PBX3: variants seen among roughly 807,000 people sequenced by gnomAD.
PBX3 encodes the protein pre-B-cell leukemia transcription factor 3.
Under a neutral mutation model 48.5 loss-of-function variants are expected in PBX3, and 14 were observed. That is an observed-to-expected ratio of 0.29 (90% confidence interval 0.19 to 0.45). The LOEUF (loss-of-function observed/expected upper bound fraction) is 0.45, where lower values mean the gene tolerates loss of function less well. Ranked by LOEUF, PBX3 falls within the 20% of genes least tolerant of loss-of-function variation. The pLI is 1.00. For missense variants in PBX3, 386 were observed against 546.7 expected (o/e 0.71, Z 2.93); for synonymous variants, 210 against 200.3 (o/e 1.05, Z -0.41).
chr9:125,861,301 AAT>A (rs200398183), intron 2 of PBX3, among the ~76,000 whole-genome samples: 6,118 of 142,152 alleles, frequency 0.043, 298 homozygotes, highest in East Asian at 0.17. Context: ...CCTGTCTCCA[AAT>A]AATAATAATA....
chr9:125,799,342 G>A (rs946406355), intron 2 of PBX3, among the ~76,000 whole-genome samples: 2 of 152,190 alleles, frequency 1.3e-5, no homozygotes, highest in Non-Finnish European at 2.9e-5. Context: ...GCGAAACTCC[G>A]TCTCTACAAA....
chr9:125,950,701 C>CA (rs1010890922), intron 5 of PBX3, among the ~76,000 whole-genome samples: 1 of 152,098 alleles, frequency 6.6e-6, no homozygotes, highest in African/African-American at 2.4e-5. Context: ...AGGCTGGTCT[C>CA]AAACTCCTGA....
chr9:125,852,840 G>T (rs928522901), intron 2 of PBX3, among the ~76,000 whole-genome samples: 2 of 152,078 alleles, frequency 1.3e-5, no homozygotes, highest in East Asian at 1.9e-4. Flanking sequence ...TGCATGATTG[G>T]ATTGCACTGC....
At chr9:125,918,999 CAGAG>C (rs1440163595) in intron 3 of PBX3, among the ~76,000 whole-genome samples, 2 of 152,090 alleles carry the variant, frequency 1.3e-5, no homozygotes, top group East Asian at 3.9e-4. Context: ...AAATGAGACT[CAGAG>C]AGGGTAAGTG....
At chr9:125,881,576 T>A (rs1344953545) in intron 2 of PBX3, among the ~76,000 whole-genome samples, 1 of 152,056 alleles carries the variant, frequency 6.6e-6, no homozygotes, top group East Asian at 1.9e-4. Context: ...CCTGTTGATT[T>A]AGTTTCCAAA....
At chr9:125,855,066 C>CT (rs1176702761) in intron 2 of PBX3, among the ~76,000 whole-genome samples, 1 of 152,154 alleles carries the variant, frequency 6.6e-6, no homozygotes. Context: ...ATCTTTCTGG[C>CT]TTATCTGCAT....
At chr9:125,915,607 G>A (rs924949700) in intron 2 of PBX3, 79 bp from the exon 3 acceptor site, 10 of 1,107,604 alleles carry the variant, frequency 9.0e-6, no homozygotes, top group South Asian at 6.5e-5. Flanking sequence ...TCATTTTCTC[G>A]AATAAACAAA....
intron 5 of PBX3, among the ~76,000 whole-genome samples, chr9:125,939,248 C>G (rs1350778269): frequency 6.6e-6 from 1 of 151,870 alleles, no homozygotes; most frequent in African/African-American, 2.4e-5. Context: ...ATATAAGGAA[C>G]TCCTATAAAT....
At chr9:125,849,566 CCCT>C (rs892053862) in intron 2 of PBX3, among the ~76,000 whole-genome samples, 1 of 151,870 alleles carries the variant, frequency 6.6e-6, no homozygotes, top group African/African-American at 2.4e-5. Context: ...GTTCATTCTT[CCCT>C]CCTCATTTTA....
At chr9:125,810,535 T>C (rs1463174599) in intron 2 of PBX3, among the ~76,000 whole-genome samples, 1 of 152,174 alleles carries the variant, frequency 6.6e-6, no homozygotes, top group Non-Finnish European at 1.5e-5. Context: ...TGTCTTCTTG[T>C]GTTGAGTGGA....
intron 2 of PBX3, among the ~76,000 whole-genome samples, chr9:125,751,859 C>T (rs1836384226): frequency 6.6e-6 from 1 of 152,102 alleles, no homozygotes; most frequent in African/African-American, 2.4e-5. Flanking sequence ...TCTTTTTGGT[C>T]ATCTTAATCT....
intron 5 of PBX3, among the ~76,000 whole-genome samples, chr9:125,944,465 C>G (rs985014751): frequency 1.3e-5 from 2 of 152,134 alleles, no homozygotes; most frequent in Non-Finnish European, 2.9e-5. Flanking sequence ...TTCTTCTCCC[C>G]AAGAAATACT....
intron 4 of PBX3, among the ~76,000 whole-genome samples, chr9:125,932,802 A>G (rs1487904701): frequency 1.3e-5 from 2 of 152,214 alleles, no homozygotes; most frequent in African/African-American, 2.4e-5. Context: ...CACCTAAATG[A>G]TTTATTTTTC....
At chr9:125,924,314 T>G (rs183592670) in intron 3 of PBX3, among the ~76,000 whole-genome samples, 4 of 152,262 alleles carry the variant, frequency 2.6e-5, no homozygotes, top group East Asian at 3.8e-4. Flanking sequence ...AGAAGTCAGC[T>G]TGAGTCTCAT....
chr9:125,838,417 A>G (rs1057002910), intron 2 of PBX3, among the ~76,000 whole-genome samples: 3 of 152,230 alleles, frequency 2.0e-5, no homozygotes, highest in South Asian at 4.1e-4. Flanking sequence ...TATAATTTGT[A>G]TGAGTGATTG....
chr9:125,810,507 A>G (rs1480203168), intron 2 of PBX3, among the ~76,000 whole-genome samples: 1 of 151,926 alleles, frequency 6.6e-6, no homozygotes, highest in African/African-American at 2.4e-5. Flanking sequence ...CTGACTCTCC[A>G]TGATTTCCAC....
chr9:125,900,595 TCA>T (rs1232126183), intron 2 of PBX3, among the ~76,000 whole-genome samples: 1 of 151,704 alleles, frequency 6.6e-6, no homozygotes, highest in East Asian at 1.9e-4. Flanking sequence ...TTCAGCTCAT[TCA>T]CAGTGTAGCC....
At chr9:125,785,826 A>G (rs377513099) in intron 2 of PBX3, among the ~76,000 whole-genome samples, 21 of 152,234 alleles carry the variant, frequency 1.4e-4, no homozygotes, top group African/African-American at 4.6e-4. Context: ...CCAGTATCCC[A>G]CAGTGGAAAT....
At chr9:125,791,210 C>T (rs1053393185) in intron 2 of PBX3, among the ~76,000 whole-genome samples, 6 of 152,188 alleles carry the variant, frequency 3.9e-5, no homozygotes, top group African/African-American at 1.4e-4. Flanking sequence ...GACACCATGC[C>T]TGGCCACCCT....
Sources: allele counts gnomAD v4.1 joint callset (sites outside exome capture counted in the v4.1 genomes callset), GRCh38; gene constraint gnomAD v4.1.1; transcripts MANE v1.5; gene names NCBI Gene and HGNC (gene_info 2026-07-23, HGNC 2026-07-21).